The following MMP16 variants were observed in gnomAD, a reference collection of about 807,000 sequenced individuals.
MMP16 encodes the protein matrix metalloproteinase-16.
In MMP16, 12 loss-of-function variants were observed where a neutral mutation model predicts 67.8. That is an observed-to-expected ratio of 0.18 (90% CI 0.11 to 0.29). The LOEUF is 0.29. Among genes scored for constraint, MMP16 ranks in the 10% least tolerant of loss-of-function variants. The probability of loss-of-function intolerance (pLI) is 1.00; values close to 1 mark genes in which losing one functional copy is unlikely to be tolerated. For synonymous variants in MMP16, 249 were observed against 255.9 expected (o/e 0.97, Z 0.26); for missense variants, 475 against 765.7 (o/e 0.62, Z 4.48).
chr8:88,174,585 T>A (rs1362468206), intron 3 of MMP16, among the ~76,000 whole-genome samples: 1 of 152,182 alleles, frequency 6.6e-6, no homozygotes, highest in African/African-American at 2.4e-5. Context: ...TGATGTATAA[T>A]TTAATTTTCC....
rs905427223 is a variant in MMP16 at position 88,033,459 on chromosome 8, C to T, written c.*8002G>A. The T allele has an allele frequency of 6.6e-6, 1 of 151,644 alleles. No homozygotes were observed. Among genetic ancestry groups the T allele is most frequent in the Non-Finnish European group, 1.5e-5 (1 of 67,860 alleles). 9.4% of individuals were successfully genotyped at this position (151,644 alleles called of 1,614,324 possible). ...TTTAAAATATCTTAAAGATAGGTTA[C>T]TATACTGATGAAGCAGGCAAGTTTC... On this transcript the variant is annotated 3_prime_UTR_variant, in exon 10 of 10. Transcript: ENST00000286614.
At chr8:88,110,846 T>C (rs941497271) in intron 6 of MMP16, among the ~76,000 whole-genome samples, 3 of 151,676 alleles carry the variant, frequency 2.0e-5, no homozygotes, top group African/African-American at 7.3e-5. Flanking sequence ...TTAATTAATA[T>C]GATGAAAAGT....
chr8:88,256,084 CT>C (rs926346267), intron 1 of MMP16, among the ~76,000 whole-genome samples: 28 of 152,072 alleles, frequency 1.8e-4, no homozygotes, highest in Non-Finnish European at 3.5e-4. Flanking sequence ...CTATTTTCAG[CT>C]TTTTTTCTAG....
At chr8:88,234,658 C>T (rs1809913129) in intron 1 of MMP16, among the ~76,000 whole-genome samples, 1 of 152,168 alleles carries the variant, frequency 6.6e-6, no homozygotes, top group African/African-American at 2.4e-5. Flanking sequence ...AGACTCTGAC[C>T]TTTACTTACA....
chr8:88,231,774 A>T (rs552496929), intron 1 of MMP16, among the ~76,000 whole-genome samples: 33 of 152,206 alleles, frequency 2.2e-4, no homozygotes, highest in South Asian at 4.1e-4. Flanking sequence ...TTTATTTTAA[A>T]ATATGTTTAA....
At chr8:88,297,254 G>A (rs1275993113) in intron 1 of MMP16, among the ~76,000 whole-genome samples, 1 of 151,988 alleles carries the variant, frequency 6.6e-6, no homozygotes, top group African/African-American at 2.4e-5. Flanking sequence ...ACCACCAAAG[G>A]CTGCTATTAA....
intron 1 of MMP16, among the ~76,000 whole-genome samples, chr8:88,220,538 T>C (rs975584968): frequency 1.3e-5 from 2 of 152,036 alleles, no homozygotes; most frequent in Non-Finnish European, 2.9e-5. Flanking sequence ...GCATGACTTT[T>C]TTTTTTTTAG....
chr8:88,327,040 C>T (rs767515145), intron 1 of MMP16, 35 bp downstream of exon 1: 8 of 1,612,240 alleles, frequency 5.0e-6, no homozygotes, highest in Non-Finnish European at 6.8e-6. Context: ...GCAGCCCAGG[C>T]AGCGGGGGGA....
chr8:88,266,694 A>G (rs1810482234), intron 1 of MMP16, among the ~76,000 whole-genome samples: 1 of 152,140 alleles, frequency 6.6e-6, no homozygotes, highest in South Asian at 2.1e-4. Context: ...CCATCTTCTT[A>G]GTAGCTTGTA....
intron 3 of MMP16, among the ~76,000 whole-genome samples, chr8:88,185,952 G>T (rs1306666675): frequency 6.6e-6 from 1 of 152,082 alleles, no homozygotes; most frequent in Non-Finnish European, 1.5e-5. Flanking sequence ...GTAAGCAGTT[G>T]TTCAATTACA....
At chr8:88,113,769 C>T (rs1238976053) in intron 6 of MMP16, among the ~76,000 whole-genome samples, 6 of 151,962 alleles carry the variant, frequency 3.9e-5, no homozygotes, top group African/African-American at 9.7e-5. Context: ...CTTTCACCCA[C>T]GTGTCCACCT....
chr8:88,070,897 T>C (rs1808541607), intron 7 of MMP16, among the ~76,000 whole-genome samples: 1 of 152,180 alleles, frequency 6.6e-6, no homozygotes, highest in Admixed American at 6.6e-5. Flanking sequence ...CCATTATTAC[T>C]TCTTGGCTGG....
Position 88,273,783 on chromosome 8 carries a change from G to A in MMP16, c.132+53292C>T, listed in dbSNP as rs17667533. On this transcript the variant is annotated intron_variant, in intron 1 of 9. Transcript: ENST00000286614. ...TACAATTTCCCCTTAATAATTTAACGGCAAAGAATATATGGTTATATGTCA... is the reference window on the plus strand; with the variant it reads ...TACAATTTCCCCTTAATAATTTAACAGCAAAGAATATATGGTTATATGTCA... 3.1e-3 allele frequency among the ~76,000 whole-genome samples: 478 copies of A among 151,870 alleles called. 3 individuals are homozygous for A. The highest frequency in any genetic ancestry group is 0.011 in the African/African-American group (437 of 41,400).
At chr8:88,215,999 C>T (rs1653843288) in intron 1 of MMP16, among the ~76,000 whole-genome samples, 1 of 152,116 alleles carries the variant, frequency 6.6e-6, no homozygotes, top group Admixed American at 6.6e-5. Context: ...TATGATTTTA[C>T]ATATATTTGT....
intron 1 of MMP16, among the ~76,000 whole-genome samples, chr8:88,267,816 T>G (rs1419012348): frequency 2.0e-5 from 3 of 152,154 alleles, no homozygotes; most frequent in African/African-American, 7.2e-5. Flanking sequence ...ATATAGAAAT[T>G]AGGGCAATAT....
intron 1 of MMP16, among the ~76,000 whole-genome samples, chr8:88,233,069 T>C (rs1170514585): frequency 3.3e-5 from 5 of 152,162 alleles, no homozygotes; most frequent in Admixed American, 3.3e-4. Flanking sequence ...CCACAGATTT[T>C]TCATCTGTTA....
At chr8:88,074,504 C>T in intron 7 of MMP16, 101 bp downstream of exon 7, 1 of 1,007,614 alleles carries the variant, frequency 9.9e-7, no homozygotes, top group Non-Finnish European at 1.4e-6. Flanking sequence ...TCATTAAATC[C>T]ATAGGCTATG....
At chr8:88,130,015 T>C (rs1314295753) in intron 4 of MMP16, among the ~76,000 whole-genome samples, 1 of 151,782 alleles carries the variant, frequency 6.6e-6, no homozygotes, top group African/African-American at 2.4e-5. Flanking sequence ...ATTAAAGCTA[T>C]TGATGCTAAT....
chr8:88,309,626 T>A (rs904148515), intron 1 of MMP16, among the ~76,000 whole-genome samples: 1 of 152,084 alleles, frequency 6.6e-6, no homozygotes, highest in Non-Finnish European at 1.5e-5. Context: ...TCATTTTTCC[T>A]GTTAAACACA....
Sources: gnomAD v4.1 joint callset for allele counts (sites outside exome capture counted in the v4.1 genomes callset) on GRCh38, gnomAD v4.1.1 for gene constraint, MANE v1.5 for transcripts, NCBI Gene and HGNC (gene_info 2026-07-23, HGNC 2026-07-21) for gene names.